Variants in ATXN2 observed in about 807,000 individuals in gnomAD.
The protein encoded by ATXN2 is ataxin 2.
A neutral mutation model predicts 138.6 loss-of-function variants in ATXN2; 37 were observed. The ratio of observed to expected loss-of-function variants is 0.27; its 90% confidence interval spans 0.21 to 0.35. The LOEUF (loss-of-function observed/expected upper bound fraction) is 0.35. ATXN2 is among the 10% of genes least tolerant of loss of function. The probability of loss-of-function intolerance (pLI) is 1.00; values close to 1 mark genes in which losing one functional copy is unlikely to be tolerated. For synonymous variants in ATXN2, 549 were observed against 543.7 expected (o/e 1.01, Z -0.13); for missense variants, 1,216 against 1,480.3 (o/e 0.82, Z 2.93).
intron 5 of ATXN2, among the ~76,000 whole-genome samples, chr12:111,536,957 A>G (rs1881219216): frequency 6.6e-6 from 1 of 151,382 alleles, no homozygotes; most frequent in Non-Finnish European, 1.5e-5. Flanking sequence ...TCATTTTTGT[A>G]TTTTTAGTAG....
chr12:111,565,118 CCTTT>C (rs1266403609), intron 1 of ATXN2, among the ~76,000 whole-genome samples: 1 of 151,768 alleles, frequency 6.6e-6, no homozygotes, highest in Non-Finnish European at 1.5e-5. Context: ...CCCATATTCT[CCTTT>C]AAGTAATGCT....
chr12:111,504,012 A>C (rs1224657778), intron 14 of ATXN2, among the ~76,000 whole-genome samples: 1 of 152,234 alleles, frequency 6.6e-6, no homozygotes, highest in African/African-American at 2.4e-5. Flanking sequence ...GTAAGACTAA[A>C]ACTCCTAAAG....
chr12:111,563,466 G>A (rs1032504224), intron 1 of ATXN2, among the ~76,000 whole-genome samples: 1 of 152,030 alleles, frequency 6.6e-6, no homozygotes, highest in African/African-American at 2.4e-5. Context: ...ACTGTACTGT[G>A]GTTTTGAAAT....
intron 1 of ATXN2, among the ~76,000 whole-genome samples, chr12:111,572,026 A>AAAG (rs1555242443): frequency 1.3e-5 from 2 of 148,878 alleles, no homozygotes; most frequent in East Asian, 2.1e-4. Flanking sequence ...AAAAAAAAAA[A>AAAG]GGGGCTTTTA....
chr12:111,470,614 G>A lies in ATXN2; in HGVS notation c.2653C>T (p.Pro885Ser). ...AYSTQYVAYSPQQFPNQPLVQ... is the reference protein window; with the variant it reads ...AYSTQYVAYSSQQFPNQPLVQ... Reference sequence around the variant, plus strand: ...AGGGGCTGATTTGGGAACTGCTGAGGACTGTAGGCAACATATTGCGTGGAG... The same window carrying A: ...AGGGGCTGATTTGGGAACTGCTGAGAACTGTAGGCAACATATTGCGTGGAG... The change falls in exon 19 of 25, where the codon CCT (proline) becomes TCT (serine). Residue 885 changes from proline to serine, a missense_variant. By Grantham distance (74) the Pro-to-Ser change is moderately conservative. Around this residue, in one of 4 missense-constraint regions of ATXN2, gnomAD observed 490 missense variants for 653.5 expected, o/e 0.75. Transcript: ENST00000673436. 6.2e-7 allele frequency: 1 copy of A among 1,614,156 alleles called. No homozygotes were observed. Among genetic ancestry groups the A allele is most frequent in the Non-Finnish European group, 8.5e-7 (1 of 1,180,024 alleles).
chr12:111,546,717 G>T (rs1881816699), intron 5 of ATXN2, among the ~76,000 whole-genome samples: 1 of 152,140 alleles, frequency 6.6e-6, no homozygotes, highest in Non-Finnish European at 1.5e-5. Context: ...AACAAGCAGA[G>T]ATAACAGGAC....
chr12:111,550,078 A>AAG (rs1200622018), intron 5 of ATXN2, among the ~76,000 whole-genome samples: 3 of 151,374 alleles, frequency 2.0e-5, no homozygotes, highest in Non-Finnish European at 4.4e-5. Flanking sequence ...AAAAAAAAAA[A>AAG]AGAGAGAGAA....
chr12:111,477,545 T>G (rs956062399), intron 18 of ATXN2, among the ~76,000 whole-genome samples: 1 of 152,074 alleles, frequency 6.6e-6, no homozygotes, highest in African/African-American at 2.4e-5. Context: ...GATTTCTTAT[T>G]ATGATACAAA....
chr12:111,499,429 C>T (rs113658477), intron 14 of ATXN2, among the ~76,000 whole-genome samples: 11 of 152,272 alleles, frequency 7.2e-5, no homozygotes, highest in African/African-American at 2.6e-4. Context: ...ACAGGCTGGG[C>T]GCAGCAGCTC....
At chr12:111,584,377 C>CAAAAAAAAAAAAA (rs58678794) in intron 1 of ATXN2, among the ~76,000 whole-genome samples, 8 of 44,744 alleles carry the variant, frequency 1.8e-4, no homozygotes, top group African/African-American at 5.7e-4. Flanking sequence ...GACCCTGTCT[C>CAAAAAAAAAAAAA]AAAAAAAAAA....
At chr12:111,500,175 A>T (rs1451670815) in intron 14 of ATXN2, among the ~76,000 whole-genome samples, 1 of 152,252 alleles carries the variant, frequency 6.6e-6, no homozygotes, top group Non-Finnish European at 1.5e-5. Context: ...TTACTACGGC[A>T]CTATATACAC....
upstream of ATXN2, chr12:111,599,362 G>A: frequency 9.5e-6 from 11 of 1,160,262 alleles, no homozygotes; most frequent in Non-Finnish European, 1.2e-5. Context: ...GGGCGGCGGA[G>A]GGATACGGTC....
Position 111,516,118 on chromosome 12 carries a change from GACAA to G in ATXN2, c.1375+32_1375+35del. ...TAAACTCACATAGGAGTTAAACAAA[GACAA>G]ACAAAAACATGAACAAATTGTGGTA... On this transcript the variant is annotated intron_variant, in intron 10 of 24. Transcript: ENST00000673436. This position sits in a 1 kb window ranked among gnomAD's most constrained non-coding sequence, Gnocchi z 5.0. 1.3e-6 allele frequency: 2 copies of G among 1,560,264 alleles called. No individual in the cohort carries two copies. The highest frequency in any genetic ancestry group is 1.7e-6 in the Non-Finnish European group (2 of 1,147,056).
chr12:111,542,882 AT>A (rs921099559), intron 5 of ATXN2, among the ~76,000 whole-genome samples: 1 of 152,010 alleles, frequency 6.6e-6, no homozygotes, highest in South Asian at 2.1e-4. Flanking sequence ...AGAGGTTTTT[AT>A]TTTTTTTATA....
intron 1 of ATXN2, among the ~76,000 whole-genome samples, chr12:111,569,667 G>C (rs996137115): frequency 3.3e-5 from 5 of 152,162 alleles, no homozygotes; most frequent in Non-Finnish European, 5.9e-5. Flanking sequence ...AGTGAGCCAG[G>C]ATCATGCCAC....
At chr12:111,520,805 C>A in intron 7 of ATXN2, 77 bp downstream of exon 7, 2 of 781,682 alleles carry the variant, frequency 2.6e-6, no homozygotes, top group Non-Finnish European at 4.0e-6. Context: ...AACTAACAAA[C>A]ATTTATTCAT....
intron 1 of ATXN2, among the ~76,000 whole-genome samples, chr12:111,589,462 G>A (rs761388865): frequency 6.6e-6 from 1 of 152,078 alleles, no homozygotes; most frequent in Non-Finnish European, 1.5e-5. Flanking sequence ...TAAAATCTCT[G>A]TCCCTACAAA....
chr12:111,482,723 C>T (rs998941693), intron 18 of ATXN2: 1 of 150,570 alleles, frequency 6.6e-6, no homozygotes, highest in South Asian at 2.1e-4. Flanking sequence ...AAAAAAAAAA[C>T]CCACTTTCTT....
intron 8 of ATXN2, 152 bp downstream of exon 8, chr12:111,519,727 T>A (rs764282735): frequency 7.3e-7 from 1 of 1,368,878 alleles, no homozygotes; most frequent in South Asian, 1.5e-5. Flanking sequence ...AAGATCACCA[T>A]AACCTTTTCT....
Sources: gnomAD v4.1 joint callset for allele counts (sites outside exome capture counted in the v4.1 genomes callset) on GRCh38, gnomAD v4.1.1 for gene constraint, gnomAD v4.1.1 regional missense constraint, Gnocchi (gnomAD v3.1) non-coding constraint, MANE v1.5 for transcripts, NCBI Gene and HGNC (gene_info 2026-07-23, HGNC 2026-07-21) for gene names.